Variants in DPP10 observed in about 807,000 individuals in gnomAD.
DPP10 encodes dipeptidyl peptidase like 10.
Under a neutral mutation model 120.9 loss-of-function variants are expected in DPP10, and 33 were observed. The observed-to-expected ratio is 0.27, with a 90% CI of 0.21 to 0.37. DPP10 has a LOEUF of 0.37. DPP10 is among the 10% of genes least tolerant of loss of function. The pLI is 1.00. For missense variants in DPP10, 816 were observed against 942.8 expected (o/e 0.87, Z 1.76); for synonymous variants, 337 against 326.1 (o/e 1.03, Z -0.36).
intron 7 of DPP10, among the ~76,000 whole-genome samples, chr2:115,718,263 C>T (rs1416797602): frequency 6.6e-6 from 1 of 151,296 alleles, no homozygotes; most frequent in Non-Finnish European, 1.5e-5. Flanking sequence ...TGATTTAAAC[C>T]TGTAGACAAC....
intron 1 of DPP10, among the ~76,000 whole-genome samples, chr2:115,132,417 C>A (rs1487335524): frequency 6.6e-6 from 1 of 152,118 alleles, no homozygotes. Flanking sequence ...AAATTTCCCC[C>A]ACAAAAGACA....
intron 1 of DPP10, among the ~76,000 whole-genome samples, chr2:114,731,457 G>A (rs1296597615): frequency 1.3e-5 from 2 of 152,086 alleles, no homozygotes; most frequent in African/African-American, 4.8e-5. Flanking sequence ...GTGCTCTTGG[G>A]GAGGTGGTTG....
intron 1 of DPP10, among the ~76,000 whole-genome samples, chr2:114,505,379 C>G (rs1683558103): frequency 6.6e-6 from 1 of 151,648 alleles, no homozygotes; most frequent in Admixed American, 6.6e-5. Flanking sequence ...TTCATTTCAG[C>G]ATTGATTCCC....
intron 1 of DPP10, among the ~76,000 whole-genome samples, chr2:115,247,560 A>G (rs888844770): frequency 3.3e-5 from 5 of 152,164 alleles, no homozygotes; most frequent in Non-Finnish European, 7.4e-5. Context: ...AGAAGAATGT[A>G]TTAGGGTGTG....
intron 13 of DPP10, among the ~76,000 whole-genome samples, chr2:115,774,268 T>G (rs1681835634): frequency 6.8e-6 from 1 of 146,434 alleles, no homozygotes; most frequent in Admixed American, 6.8e-5. Flanking sequence ...ACAGAGAAAA[T>G]AATTAACCTA....
At chr2:115,540,554 G>A (rs2079116516) in intron 5 of DPP10, among the ~76,000 whole-genome samples, 1 of 151,940 alleles carries the variant, frequency 6.6e-6, no homozygotes, top group South Asian at 2.1e-4. Flanking sequence ...CTGAGGAAAA[G>A]CTAGTGGTAT....
At chr2:114,773,511 A>T (rs1558727117) in intron 1 of DPP10, among the ~76,000 whole-genome samples, 1 of 151,712 alleles carries the variant, frequency 6.6e-6, no homozygotes, top group African/African-American at 2.4e-5. Flanking sequence ...AAATGAACAT[A>T]TGTAATGGGT....
At chr2:114,504,342 C>T (rs1683448836) in intron 1 of DPP10, among the ~76,000 whole-genome samples, 1 of 152,126 alleles carries the variant, frequency 6.6e-6, no homozygotes, top group South Asian at 2.1e-4. Context: ...TTTTCTATTG[C>T]TCTTGTGTAT....
intron 5 of DPP10, among the ~76,000 whole-genome samples, chr2:115,562,226 C>G (rs1416701667): frequency 6.6e-6 from 1 of 152,174 alleles, no homozygotes; most frequent in African/African-American, 2.4e-5. Context: ...ATTTGTCATT[C>G]TCTGCCATTC....
At chr2:114,687,264 C>T (rs914403786) in intron 1 of DPP10, among the ~76,000 whole-genome samples, 4 of 151,916 alleles carry the variant, frequency 2.6e-5, no homozygotes, top group Non-Finnish European at 5.9e-5. Flanking sequence ...TTTCTGGCTG[C>T]ACCTGAGGGG....
intron 1 of DPP10, among the ~76,000 whole-genome samples, chr2:114,953,199 T>C (rs1009438889): frequency 6.6e-6 from 1 of 152,196 alleles, no homozygotes; most frequent in African/African-American, 2.4e-5. Flanking sequence ...CTGAAGGGCA[T>C]CTTTATAAAT....
At chr2:115,628,084 A>G (rs1045713909) in intron 5 of DPP10, among the ~76,000 whole-genome samples, 11 of 152,074 alleles carry the variant, frequency 7.2e-5, no homozygotes, top group Non-Finnish European at 1.0e-4. Context: ...TAGGTCTTTG[A>G]AGAATTGCCA....
At chr2:115,282,079 T>C (rs1244514699) in intron 1 of DPP10, among the ~76,000 whole-genome samples, 2 of 152,080 alleles carry the variant, frequency 1.3e-5, no homozygotes, top group Admixed American at 1.3e-4. Flanking sequence ...TTTGTACTTT[T>C]TCTCACGCTA....
In DPP10 at chr2:115,397,423, A is replaced by G. The variant is rs532209703; in HGVS notation, c.271+53511A>G. On this transcript the variant is annotated intron_variant, in intron 3 of 25. Transcript: ENST00000410059. ...ATTGATAATATATTTTGCATTTCTT[A>G]GATAATTTCAAAAAAAGATAGTGTG... Among the ~76,000 whole-genome samples the G allele has an allele frequency of 3.9e-5, 6 of 152,310 alleles. No individual in the cohort carries two copies. The South Asian group carries it at 1.2e-3, about 32-fold the overall frequency.
intron 5 of DPP10, among the ~76,000 whole-genome samples, chr2:115,563,389 G>A (rs1025312833): frequency 1.3e-5 from 2 of 152,076 alleles, no homozygotes; most frequent in African/African-American, 4.8e-5. Context: ...ATGATATTTT[G>A]TTTTTATATT....
At chr2:115,415,368 T>TCTGTATC (rs2069295779) in intron 3 of DPP10, among the ~76,000 whole-genome samples, 1 of 152,194 alleles carries the variant, frequency 6.6e-6, no homozygotes, top group African/African-American at 2.4e-5. Flanking sequence ...CACAGCTGCT[T>TCTGTATC]CTGTATCTAT....
intron 1 of DPP10, among the ~76,000 whole-genome samples, chr2:114,483,436 A>G (rs377678764): frequency 6.6e-6 from 1 of 152,116 alleles, no homozygotes; most frequent in African/African-American, 2.4e-5. Context: ...ATTCATGAAT[A>G]ACAAAATAAT....
At chr2:114,647,774 C>T (rs1467560337) in intron 1 of DPP10, among the ~76,000 whole-genome samples, 4 of 150,610 alleles carry the variant, frequency 2.7e-5, no homozygotes, top group African/African-American at 9.8e-5. Flanking sequence ...ATTTCTCTTA[C>T]TGGAAACCCA....
At chr2:114,827,357 C>G (rs771227416) in intron 1 of DPP10, among the ~76,000 whole-genome samples, 3 of 151,942 alleles carry the variant, frequency 2.0e-5, no homozygotes, top group Non-Finnish European at 4.4e-5. Flanking sequence ...TATTGAAGCT[C>G]TATGTAGGAG....
Sources: gnomAD v4.1 joint callset for allele counts (sites outside exome capture counted in the v4.1 genomes callset) on GRCh38, gnomAD v4.1.1 for gene constraint, MANE v1.5 for transcripts, NCBI Gene and HGNC (gene_info 2026-07-23, HGNC 2026-07-21) for gene names.